The following ZNF532 variants were observed in gnomAD, a reference collection of about 807,000 sequenced individuals.
The protein encoded by ZNF532 is zinc finger protein 532.
Under a neutral mutation model 89.3 loss-of-function variants are expected in ZNF532, and 22 were observed. That is an observed-to-expected ratio of 0.25 (90% CI 0.18 to 0.35). The LOEUF is 0.35. Ranked by LOEUF, ZNF532 falls within the 10% of genes least tolerant of loss-of-function variation. The pLI, the probability that ZNF532 is intolerant of heterozygous loss-of-function variation, is 1.00. For missense variants in ZNF532, 1,132 were observed against 1,643.4 expected (o/e 0.69, Z 5.38); for synonymous variants, 606 against 649.6 (o/e 0.93, Z 1.02).
intron 7 of ZNF532, among the ~76,000 whole-genome samples, chr18:58,957,421 A>G (rs976930036): frequency 1.1e-3 from 159 of 148,118 alleles, no homozygotes; most frequent in Non-Finnish European, 1.9e-3. Flanking sequence ...ATATATATAT[A>G]TATATATATA....
At chr18:58,884,989 T>TC (rs2058188298) in intron 2 of ZNF532, among the ~76,000 whole-genome samples, 1 of 151,572 alleles carries the variant, frequency 6.6e-6, no homozygotes, top group Non-Finnish European at 1.5e-5. Context: ...GTTTTTTTTT[T>TC]TTTTTCTTTT....
chr18:58,946,035 A>G (rs954316764), intron 5 of ZNF532, among the ~76,000 whole-genome samples: 1 of 152,134 alleles, frequency 6.6e-6, no homozygotes, highest in Admixed American at 6.5e-5. Flanking sequence ...GGCCAAGTCT[A>G]TCCTTTTTAA....
At position 58,957,974 on chromosome 18, in the gene ZNF532, G is replaced by A. The variant is rs141482588; in HGVS notation, c.3150+4175G>A. On this transcript the variant is annotated intron_variant, in intron 7 of 9. Transcript: ENST00000591808. The stretch of plus-strand genomic sequence containing the variant: ...CCAGCTATTTGGGAGGCTGAGGCAC[G>A]AGAATTGCTTAAATCCAGGAGGCGG... 2.0e-4 allele frequency among the ~76,000 whole-genome samples: 30 copies of A among 151,194 alleles called. No individual in the cohort carries two copies. The East Asian group carries it at 5.3e-3, about 26-fold the overall frequency.
At chr18:58,899,236 G>T (rs528866846) in intron 2 of ZNF532, among the ~76,000 whole-genome samples, 15 of 152,312 alleles carry the variant, frequency 9.8e-5, no homozygotes, top group African/African-American at 3.6e-4. Context: ...AGAGTTGTCA[G>T]ACTTAGCAAA....
intron 6 of ZNF532, 196 bp from the exon 7 acceptor site, chr18:58,953,321 GA>G: frequency 2.0e-6 from 1 of 507,710 alleles, no homozygotes; most frequent in Non-Finnish European, 3.4e-6. Context: ...TTTGGAAAGA[GA>G]AATGCATAAC....
At chr18:58,895,896 G>A (rs1241795462) in intron 2 of ZNF532, among the ~76,000 whole-genome samples, 10 of 151,464 alleles carry the variant, frequency 6.6e-5, no homozygotes, top group Non-Finnish European at 1.2e-4. Context: ...TGTCGACGAG[G>A]CTGTACTGCA....
intron 5 of ZNF532, among the ~76,000 whole-genome samples, chr18:58,941,677 A>G (rs1194093509): frequency 6.6e-6 from 1 of 151,892 alleles, no homozygotes; most frequent in Non-Finnish European, 1.5e-5. Context: ...CCGTGTTGCC[A>G]AGGCTTGTCT....
At chr18:58,896,572 C>G (rs2059264778) in intron 2 of ZNF532, 1 of 153,474 alleles carries the variant, frequency 6.5e-6, no homozygotes, top group South Asian at 2.1e-4. Flanking sequence ...TCCATCTGTT[C>G]ATCCACCCAT....
intron 7 of ZNF532, among the ~76,000 whole-genome samples, chr18:58,969,873 CTTTTTTTTTTT>C (rs10617418): frequency 1.4e-4 from 12 of 84,752 alleles, no homozygotes; most frequent in African/African-American, 1.7e-4. Flanking sequence ...ATATTTGTCC[CTTTTTTTTTTT>C]TTTTTTTTTT....
In ZNF532 at chr18:58,918,731, C is replaced by T. The variant is rs1433162724; in HGVS notation, c.444C>T (p.Asp148=). The change falls in exon 3 of 10, where the codon GAC becomes GAT. Residue 148 remains aspartate, a synonymous_variant. Coordinates refer to ENST00000591808, the MANE Select transcript of ZNF532 (RefSeq NM_001375912.1). Reference sequence around the variant, plus strand: ...ACGACGAGAAGATTGAGGTGGATGACCCCCCTGACAAGGAGGACATGCGAT... The same window carrying T: ...ACGACGAGAAGATTGAGGTGGATGATCCCCCTGACAAGGAGGACATGCGAT... ...FDDDEKIEVD[D]PPDKEDMRSS... The T allele has an allele frequency of 6.2e-7, 1 of 1,614,060 alleles. No individual in the cohort carries two copies. The highest frequency in any genetic ancestry group is 8.5e-7 in the Non-Finnish European group (1 of 1,179,992).
intron 7 of ZNF532, among the ~76,000 whole-genome samples, chr18:58,958,086 C>CAA (rs2064984607): frequency 7.2e-6 from 1 of 138,770 alleles, no homozygotes; most frequent in Admixed American, 7.5e-5. Context: ...AAAAAAAATA[C>CAA]AAAAACCTAA....
In ZNF532 at chr18:58,979,040, C is replaced by G; in HGVS notation, c.3151-15C>G. 1 of 1,597,012 alleles carries G rather than the reference C, an allele frequency of 6.3e-7. No homozygotes were observed. Among genetic ancestry groups the G allele is most frequent in the Non-Finnish European group, 8.6e-7 (1 of 1,166,228 alleles). On this transcript the variant is annotated splice_polypyrimidine_tract_variant and intron_variant, in intron 7 of 9. Transcript: ENST00000591808. ...ATTTTCATTCCCTTAAGTGAACTTT[C>G]TCTCCTTCCTCCAGCAAATGAAGAA...
intron 7 of ZNF532, among the ~76,000 whole-genome samples, chr18:58,971,678 C>T (rs1238326534): frequency 2.0e-5 from 3 of 152,126 alleles, no homozygotes; most frequent in Non-Finnish European, 2.9e-5. Flanking sequence ...CCTTGGTGAA[C>T]GTGCTAGTGG....
In ZNF532 at chr18:58,891,250, C is replaced by G. The variant is rs554816701; in HGVS notation, c.-18+25671C>G. Among the ~76,000 whole-genome samples, 9 of 152,200 alleles carry G rather than the reference C, an allele frequency of 5.9e-5. No homozygotes were observed. In the East Asian group the frequency reaches 1.8e-3, roughly 30 times the overall value. On this transcript the variant is annotated intron_variant, in intron 2 of 9. Transcript: ENST00000591808. ...TTTCCTCTTAAAAGGAACCTGGAGGCCTGGCCTGGTGGCTCACGCCTGTAA... is the reference window on the plus strand; with the variant it reads ...TTTCCTCTTAAAAGGAACCTGGAGGGCTGGCCTGGTGGCTCACGCCTGTAA...
chr18:58,883,252 A>G (rs927999117), intron 2 of ZNF532, among the ~76,000 whole-genome samples: 1 of 152,220 alleles, frequency 6.6e-6, no homozygotes, highest in African/African-American at 2.4e-5. Context: ...TTTTAAAGTC[A>G]ATGATGGTGG....
chr18:58,942,404 TTCC>T (rs2063267962), intron 5 of ZNF532, among the ~76,000 whole-genome samples: 2 of 140,848 alleles, frequency 1.4e-5, no homozygotes, highest in African/African-American at 2.7e-5. Context: ...CCTTCCTTCC[TTCC>T]TAAGTGCAAG....
At chr18:58,885,307 G>GT (rs749758549) in intron 2 of ZNF532, among the ~76,000 whole-genome samples, 12 of 151,692 alleles carry the variant, frequency 7.9e-5, no homozygotes, top group South Asian at 2.1e-4. Context: ...TTTTGTTTTT[G>GT]TTTTTTTTAG....
At chr18:58,877,701 A>G (rs934219927) in intron 2 of ZNF532, among the ~76,000 whole-genome samples, 1 of 152,204 alleles carries the variant, frequency 6.6e-6, no homozygotes, top group Non-Finnish European at 1.5e-5. Flanking sequence ...TGTGCCTGGC[A>G]TGGTGACAGT....
chr18:58,921,353 GTTAT>G (rs912070782), intron 3 of ZNF532, among the ~76,000 whole-genome samples: 2 of 152,144 alleles, frequency 1.3e-5, no homozygotes, highest in Non-Finnish European at 2.9e-5. Context: ...AATACTTACT[GTTAT>G]TTATTTATCT....
Sources: allele counts gnomAD v4.1 joint callset (sites outside exome capture counted in the v4.1 genomes callset), GRCh38; gene constraint gnomAD v4.1.1; transcripts MANE v1.5; gene names NCBI Gene and HGNC (gene_info 2026-07-23, HGNC 2026-07-21).